The following ZMAT4 variants were observed in gnomAD, a reference collection of about 807,000 sequenced individuals.
The protein encoded by ZMAT4 is zinc finger matrin-type protein 4.
A neutral mutation model predicts 28.7 loss-of-function variants in ZMAT4; 17 were observed. That is an observed-to-expected ratio of 0.59 (90% confidence interval 0.41 to 0.89). The LOEUF (loss-of-function observed/expected upper bound fraction) is 0.89, where lower values mean the gene tolerates loss of function less well. Ranked by LOEUF, ZMAT4 falls within the 40% of genes least tolerant of loss-of-function variation. The pLI is 0.00. For missense variants in ZMAT4, 240 were observed against 283.8 expected, an observed-to-expected ratio of 0.85 and a Z score of 1.11; for synonymous variants, 117 against 109.2, an observed-to-expected ratio of 1.07 and a Z score of -0.44.
chr8:40,580,068 A>C (rs900276886), intron 6 of ZMAT4, among the ~76,000 whole-genome samples: 5 of 140,114 alleles, frequency 3.6e-5, no homozygotes, highest in Non-Finnish European at 1.5e-5. Context: ...GCTGGAGTGC[A>C]GTGGCCTGAT....
chr8:40,892,062 G>T (rs1009291866), intron 1 of ZMAT4, among the ~76,000 whole-genome samples: 2 of 152,022 alleles, frequency 1.3e-5, no homozygotes, highest in Non-Finnish European at 2.9e-5. Context: ...CGTGTGTGGC[G>T]GTGTGCACTC....
chr8:40,822,517 T>C (rs1355220112), intron 2 of ZMAT4, among the ~76,000 whole-genome samples: 1 of 152,162 alleles, frequency 6.6e-6, no homozygotes, highest in Non-Finnish European at 1.5e-5. Flanking sequence ...AGGGAAGGTG[T>C]CTCTGGAGAG....
rs527634995 is a variant in ZMAT4, at chr8:40,785,011, A to T, written c.103-17281T>A. Among the ~76,000 whole-genome samples the T allele has an allele frequency of 2.0e-5, 3 of 152,328 alleles. No individual in the cohort carries two copies. In the East Asian group the frequency reaches 5.8e-4, roughly 29 times the overall value. ...CCAGGCTTTCTGACTTCAGAGACTA[A>T]AGTCTTAACTCCAGTGCTGGACTGC... On this transcript the variant is annotated intron_variant, in intron 2 of 6. Coordinates refer to ENST00000297737, the MANE Select transcript of ZMAT4 (RefSeq NM_024645.3).
intron 2 of ZMAT4, among the ~76,000 whole-genome samples, chr8:40,801,370 A>G (rs1443146795): frequency 6.9e-6 from 1 of 145,392 alleles, no homozygotes; most frequent in African/African-American, 2.6e-5. Flanking sequence ...ATATATATAT[A>G]TACATATATA....
intron 2 of ZMAT4, among the ~76,000 whole-genome samples, chr8:40,822,313 C>T (rs879030377): frequency 2.6e-5 from 4 of 152,172 alleles, no homozygotes; most frequent in African/African-American, 7.2e-5. Context: ...GCTGGATATA[C>T]AGAAAATACG....
chr8:40,696,204 GT>G (rs1193468842), intron 4 of ZMAT4, among the ~76,000 whole-genome samples: 1 of 152,068 alleles, frequency 6.6e-6, no homozygotes, highest in Non-Finnish European at 1.5e-5. Context: ...AAACAATGTT[GT>G]TTAGTTAAAC....
At chr8:40,661,111 G>GT (rs1808174122) in intron 5 of ZMAT4, among the ~76,000 whole-genome samples, 2 of 152,108 alleles carry the variant, frequency 1.3e-5, no homozygotes, top group South Asian at 2.1e-4. Flanking sequence ...CTGGCTTTTT[G>GT]TTTTTTTGAT....
Position 40,861,836 on chromosome 8 carries a change from C to T in ZMAT4, c.-5+35847G>A, listed in dbSNP as rs1054361810. On this transcript the variant is annotated intron_variant, in intron 1 of 6. Coordinates refer to ENST00000297737, the MANE Select transcript of ZMAT4 (RefSeq NM_024645.3). ...ATGAAAAAATGCTCATCATCACTGG[C>T]CATCAGAGAAATGCAAATCAAAACC... 4.9e-4 allele frequency among the ~76,000 whole-genome samples: 75 copies of T among 152,256 alleles called. 1 individual carries two copies. The highest frequency in any genetic ancestry group is 1.8e-3 in the African/African-American group (74 of 41,538).
intron 2 of ZMAT4, among the ~76,000 whole-genome samples, chr8:40,805,143 T>A (rs1374327825): frequency 6.6e-6 from 1 of 152,068 alleles, no homozygotes; most frequent in African/African-American, 2.4e-5. Flanking sequence ...GCGAAGGACA[T>A]GACTCAAAAG....
intron 2 of ZMAT4, among the ~76,000 whole-genome samples, chr8:40,812,164 A>C (rs1316922721): frequency 1.3e-5 from 2 of 152,128 alleles, no homozygotes; most frequent in Non-Finnish European, 1.5e-5. Flanking sequence ...ACATGCCTAC[A>C]TACACTGTGC....
intron 3 of ZMAT4, among the ~76,000 whole-genome samples, chr8:40,764,918 GA>G (rs1813085975): frequency 1.3e-5 from 2 of 151,980 alleles, no homozygotes; most frequent in South Asian, 2.1e-4. Flanking sequence ...TGCAGCCTCT[GA>G]TTCCTAAACT....
chr8:40,577,924 C>T (rs867964870), intron 6 of ZMAT4, among the ~76,000 whole-genome samples: 25 of 151,706 alleles, frequency 1.6e-4, no homozygotes, highest in African/African-American at 6.1e-4. Context: ...CTAGAAAACA[C>T]TATTGAAAGA....
At chr8:40,586,347 G>T (rs906054275) in intron 5 of ZMAT4, among the ~76,000 whole-genome samples, 4 of 152,122 alleles carry the variant, frequency 2.6e-5, no homozygotes, top group African/African-American at 9.7e-5. Context: ...CCGACCTAAA[G>T]GCTATTTCTG....
chr8:40,558,673 A>G (rs1803626871), intron 6 of ZMAT4, among the ~76,000 whole-genome samples: 1 of 152,170 alleles, frequency 6.6e-6, no homozygotes, highest in Non-Finnish European at 1.5e-5. Flanking sequence ...GTGAAGTTTG[A>G]GATGCCTGCT....
At chr8:40,618,915 G>T (rs1806107971) in intron 5 of ZMAT4, among the ~76,000 whole-genome samples, 1 of 152,144 alleles carries the variant, frequency 6.6e-6, no homozygotes, top group East Asian at 1.9e-4. Context: ...ATGGGGAGTG[G>T]GGAAATTAGA....
intron 4 of ZMAT4, among the ~76,000 whole-genome samples, chr8:40,694,187 GC>G (rs982414722): frequency 6.6e-6 from 1 of 152,168 alleles, no homozygotes; most frequent in African/African-American, 2.4e-5. Flanking sequence ...TGGAGAAGCT[GC>G]TGCTGGGTGT....
chr8:40,739,146 G>T (rs1403384467), intron 3 of ZMAT4, among the ~76,000 whole-genome samples: 1 of 152,170 alleles, frequency 6.6e-6, no homozygotes, highest in African/African-American at 2.4e-5. Context: ...GAACGTGGGT[G>T]GATGTTAATA....
At chr8:40,810,795 T>A (rs1815284664) in intron 2 of ZMAT4, among the ~76,000 whole-genome samples, 1 of 152,012 alleles carries the variant, frequency 6.6e-6, no homozygotes, top group African/African-American at 2.4e-5. Flanking sequence ...ATAGTTACAA[T>A]GTATAAATTC....
intron 1 of ZMAT4, among the ~76,000 whole-genome samples, chr8:40,835,964 C>G (rs1480021336): frequency 6.6e-6 from 1 of 152,092 alleles, no homozygotes; most frequent in Non-Finnish European, 1.5e-5. Context: ...TGTAGAGTGG[C>G]CAAGACAGGA....
Sources: allele counts gnomAD v4.1 joint callset (sites outside exome capture counted in the v4.1 genomes callset), GRCh38; gene constraint gnomAD v4.1.1; transcripts MANE v1.5; gene names NCBI Gene and HGNC (gene_info 2026-07-23, HGNC 2026-07-21).